Variants in MAP3K21 observed in about 807,000 individuals in gnomAD.
The protein encoded by MAP3K21 is mitogen-activated protein kinase kinase kinase MLK4.
Under a neutral mutation model 86.1 loss-of-function variants are expected in MAP3K21, and 63 were observed. The ratio of observed to expected loss-of-function variants is 0.73; its 90% confidence interval spans 0.60 to 0.90. The LOEUF (loss-of-function observed/expected upper bound fraction) is 0.90. MAP3K21 is among the 40% of genes least tolerant of loss of function. The probability of loss-of-function intolerance (pLI) is 0.00; values close to 1 mark genes in which losing one functional copy is unlikely to be tolerated. For synonymous variants in MAP3K21, 558 were observed against 564.8 expected, an observed-to-expected ratio of 0.99 and a Z score of 0.17; for missense variants, 1,220 against 1,367.7, an observed-to-expected ratio of 0.89 and a Z score of 1.70.
At chr1:233,366,876 G>T (rs185545182) in intron 5 of MAP3K21, among the ~76,000 whole-genome samples, 23 of 152,086 alleles carry the variant, frequency 1.5e-4, no homozygotes, top group Admixed American at 1.4e-3. Context: ...ATTTCTTCAT[G>T]GCTGGCTACC....
At chr1:233,351,722 T>C (rs1663256098) in intron 2 of MAP3K21, among the ~76,000 whole-genome samples, 1 of 150,244 alleles carries the variant, frequency 6.7e-6, no homozygotes, top group Non-Finnish European at 1.5e-5. Flanking sequence ...AGGTTATGTA[T>C]AACCAACACT....
At position 233,379,657 on chromosome 1, in the gene MAP3K21, A is replaced by C. The variant is rs780624018; in HGVS notation, c.2651A>C (p.Lys884Thr). The C allele has an allele frequency of 6.2e-7, 1 of 1,613,844 alleles. No individual in the cohort carries two copies. The highest frequency in any genetic ancestry group is 1.1e-5 in the South Asian group (1 of 91,078). Residue 884 changes from lysine to threonine, a missense_variant, in exon 9 of 10, where the codon AAA becomes ACA. Lys to Thr is a moderately conservative substitution (Grantham distance 78, BLOSUM62 -1). Around this residue, in one of 5 missense-constraint regions of MAP3K21, gnomAD observed 632 missense variants for 691.3 expected, o/e 0.91. Coordinates refer to ENST00000366624, the MANE Select transcript of MAP3K21 (RefSeq NM_032435.3). The stretch of plus-strand genomic sequence containing the variant: ...AATGTACCTTACTGTGCTTCTTCAA[A>C]ACATAGACCGTCACATCACAGACGG... Reference protein sequence around the residue: ...CGNVPYCASSKHRPSHHRRTM... With the variant: ...CGNVPYCASSTHRPSHHRRTM...
In MAP3K21 at chr1:233,327,848, C is replaced by G. The variant is rs898444449; in HGVS notation, c.-181C>G. On this transcript the variant is annotated 5_prime_UTR_variant, in exon 1 of 10. Transcript: ENST00000366624. ...GGCAGCAGAGGCGGCTGGCCAGGAA[C>G]GCGGGCCGAGGCTGGACCCTTTGGG... 1.2e-4 allele frequency: 50 copies of G among 424,146 alleles called. No homozygotes were observed. The highest frequency in any genetic ancestry group is 1.8e-4 in the Non-Finnish European group (46 of 260,100). 26.3% of individuals were successfully genotyped at this position (424,146 alleles called of 1,614,324 possible).
intron 4 of MAP3K21, 64 bp downstream of exon 4, chr1:233,355,075 C>A: frequency 3.3e-6 from 4 of 1,200,812 alleles, no homozygotes; most frequent in South Asian, 1.4e-5. Flanking sequence ...AAATATGAGG[C>A]AAGAAGCACT....
Position 233,372,152 on chromosome 1 carries a change from C to A in MAP3K21, c.1667C>A (p.Ala556Asp), listed in dbSNP as rs1253611729. 1 of 1,614,102 alleles carries A rather than the reference C, an allele frequency of 6.2e-7. No individual in the cohort carries two copies. Among genetic ancestry groups the A allele is most frequent in the Non-Finnish European group, 8.5e-7 (1 of 1,180,006 alleles). ...SSPTMMPRLRAIQLTSDESNK... is the reference protein window; with the variant it reads ...SSPTMMPRLRDIQLTSDESNK... ...CCCACAATGATGCCCCGACTCCGAG[C>A]CATACAGTGTGAGCTTTCTGCACTG... The change falls in exon 6 of 10, where the codon GCC becomes GAC. Residue 556 changes from alanine (A) to aspartate (D), a missense_variant. Transcript: ENST00000366624.
intron 1 of MAP3K21, among the ~76,000 whole-genome samples, chr1:233,344,181 A>C (rs1002759690): frequency 1.3e-5 from 2 of 152,262 alleles, no homozygotes; most frequent in African/African-American, 2.4e-5. Flanking sequence ...ATTCAATGCC[A>C]TCCCCATCAA....
chr1:233,328,328 C>T lies in MAP3K21; in HGVS notation c.300C>T (p.Cys100=). The change falls in exon 1 of 10, where the codon TGC becomes TGT. Residue 100 remains cysteine (C), a synonymous_variant. Coordinates refer to ENST00000366624, the MANE Select transcript of MAP3K21 (RefSeq NM_032435.3). This position sits in a 1 kb window ranked among gnomAD's most constrained non-coding sequence, Gnocchi z 8.7. ...TCCCCGCCAACTACGTGGCTCCCTG[C>T]CGCCCGGCCGCCAGCCCCGCGCCGC... ...GIFPANYVAP[C]RPAASPAPPP... 6.8e-7 allele frequency: 1 copy of T among 1,472,234 alleles called. No homozygotes were observed. The highest frequency in any genetic ancestry group is 2.9e-5 in the East Asian group (1 of 33,996). The allele number at this position is 1,472,234 out of a possible 1,614,324, so 91.2% of individuals were successfully genotyped here.
At position 233,375,887 on chromosome 1, in the gene MAP3K21, G is replaced by C. The variant is rs535777470; in HGVS notation, c.1676-29G>C. 5 of 1,581,898 alleles carry C rather than the reference G, an allele frequency of 3.2e-6. No individual in the cohort carries two copies. The East Asian group carries it at 1.1e-4, about 36-fold the overall frequency. ...AATATTGGTTAATATGATTGTTGTG[G>C]TTAATATGGTTAATAATGTTCTTTT... is the stretch of plus-strand genomic sequence containing the variant. On this transcript the variant is annotated intron_variant, in intron 6 of 9. Transcript: ENST00000366624.
In MAP3K21 at chr1:233,328,565, G is replaced by T; in HGVS notation, c.537G>T (p.Arg179=). Residue 179 remains arginine (R), a synonymous_variant, in exon 1 of 10, where the codon CGG becomes CGT. Transcript: ENST00000366624. The surrounding 1 kb of genome is among the most constrained non-coding windows in gnomAD (Gnocchi z 8.7). The stretch of plus-strand genomic sequence containing the variant: ...AGGCTCGGCTCTTCGCCATGCTGCG[G>T]CACCCCAACATCATCGAGCTGCGCG... ...RREARLFAML[R]HPNIIELRGV... 1 of 1,532,868 alleles carries T rather than the reference G, an allele frequency of 6.5e-7. No homozygotes were observed. Among genetic ancestry groups the T allele is most frequent in the Non-Finnish European group, 8.7e-7 (1 of 1,150,732 alleles). The allele number at this position is 1,532,868 out of a possible 1,614,324, so 95.0% of individuals were successfully genotyped here.
intron 1 of MAP3K21, 145 bp from the exon 2 acceptor site, chr1:233,346,297 G>A: frequency 1.6e-6 from 1 of 625,970 alleles, no homozygotes; most frequent in East Asian, 2.8e-5. Context: ...TACAAAATCT[G>A]TGCTGTAAGT....
At chr1:233,354,100 T>C in intron 3 of MAP3K21, 145 bp downstream of exon 3, 1 of 1,016,614 alleles carries the variant, frequency 9.8e-7, no homozygotes, top group Non-Finnish European at 1.3e-6. Context: ...ATTGGAAACC[T>C]AGTCTTTGAT....
At chr1:233,345,278 C>T (rs527788005) in intron 1 of MAP3K21, among the ~76,000 whole-genome samples, 7 of 152,298 alleles carry the variant, frequency 4.6e-5, no homozygotes, top group African/African-American at 1.4e-4. Flanking sequence ...AAGACAAATG[C>T]ACACGTATCT....
At chr1:233,334,430 C>T (rs1408805498) in intron 1 of MAP3K21, among the ~76,000 whole-genome samples, 1 of 152,134 alleles carries the variant, frequency 6.6e-6, no homozygotes, top group Non-Finnish European at 1.5e-5. Flanking sequence ...ATTTCTGATA[C>T]TGTATTCGTT....
At chr1:233,350,378 A>C (rs1319042806) in intron 2 of MAP3K21, among the ~76,000 whole-genome samples, 2 of 152,148 alleles carry the variant, frequency 1.3e-5, no homozygotes, top group East Asian at 3.9e-4. Flanking sequence ...ACATTTCTGC[A>C]TATCTCCGGA....
chr1:233,358,805 A>AC (rs1462392084), intron 4 of MAP3K21, among the ~76,000 whole-genome samples: 3 of 149,352 alleles, frequency 2.0e-5, no homozygotes, highest in African/African-American at 7.5e-5. Flanking sequence ...AAAAAAAAAA[A>AC]TTATTATTAT....
rs771302808 is a variant in MAP3K21, at chr1:233,346,424, C to T, written c.806-18C>T. On this transcript the variant is annotated intron_variant, in intron 1 of 9. Transcript: ENST00000366624. ...ATTAAAAGAATATGCAAATGTCTCA[C>T]TTTTGATTTTTCTTTAGTTTTGCTA... The T allele has an allele frequency of 3.5e-5, 55 of 1,568,462 alleles. No individual in the cohort carries two copies. Among genetic ancestry groups the T allele is most frequent in the Middle Eastern group, 3.4e-4 (2 of 5,822 alleles).
chr1:233,353,630 A>G (rs1330075921), intron 2 of MAP3K21, among the ~76,000 whole-genome samples, 177 bp from the exon 3 acceptor site: 2 of 152,190 alleles, frequency 1.3e-5, no homozygotes, highest in Non-Finnish European at 2.9e-5. Flanking sequence ...ATGTGTTTGA[A>G]TTGTTGATGG....
intron 1 of MAP3K21, among the ~76,000 whole-genome samples, chr1:233,339,405 C>CT (rs1662991165): frequency 3.3e-5 from 2 of 61,044 alleles, no homozygotes; most frequent in Non-Finnish European, 6.0e-5. Context: ...CCTTCTCCTC[C>CT]TCCTCCTCCT....
chr1:233,330,123 A>G (rs1463674895), intron 1 of MAP3K21, among the ~76,000 whole-genome samples: 1 of 152,232 alleles, frequency 6.6e-6, no homozygotes, highest in Non-Finnish European at 1.5e-5. Flanking sequence ...AAGAAGAGTG[A>G]CAAGAAGAAA....
Sources: allele counts gnomAD v4.1 joint callset (sites outside exome capture counted in the v4.1 genomes callset), GRCh38; gene constraint gnomAD v4.1.1; regional missense constraint gnomAD v4.1.1; non-coding constraint Gnocchi (gnomAD v3.1); transcripts MANE v1.5; gene names NCBI Gene and HGNC (gene_info 2026-07-23, HGNC 2026-07-21).